The following BCOR variants were observed in gnomAD, a reference collection of about 807,000 sequenced individuals.
BCOR encodes the protein BCL6 corepressor.
Under a neutral mutation model 86.7 loss-of-function variants are expected in BCOR, and 10 were observed. The ratio of observed to expected loss-of-function variants is 0.12; its 90% CI spans 0.07 to 0.20. BCOR has a LOEUF of 0.20. BCOR is among the 10% of genes least tolerant of loss of function. The pLI is 1.00. For synonymous variants in BCOR, 611 were observed against 609.0 expected (o/e 1.00, Z -0.05); for missense variants, 1,259 against 1,452.1 (o/e 0.87, Z 2.16).
chrX:40,152,480 G>A (rs954592390), intron 1 of BCOR, among the ~76,000 whole-genome samples: 1 of 112,267 alleles, frequency 8.9e-6, no homozygotes, highest in Non-Finnish European at 1.9e-5. Context: ...GCCAGCGGGT[G>A]CCCCACGCTG....
intron 1 of BCOR, among the ~76,000 whole-genome samples, chrX:40,091,818 A>C (rs1936626977): frequency 8.9e-6 from 1 of 112,907 alleles, no homozygotes; most frequent in Admixed American, 9.2e-5. Flanking sequence ...AACAGACGGA[A>C]TCCCGTCGGC....
intron 1 of BCOR, among the ~76,000 whole-genome samples, chrX:40,113,411 A>C (rs1937343694): frequency 9.2e-6 from 1 of 108,671 alleles, no homozygotes. Flanking sequence ...TGTCTCAAAA[A>C]AAAAAAAAAA....
upstream of BCOR, among the ~76,000 whole-genome samples, chrX:40,100,127 A>G (rs765895513): frequency 4.4e-5 from 5 of 113,194 alleles, no homozygotes; most frequent in South Asian, 1.8e-3. Flanking sequence ...AGTTACAGAC[A>G]CAGCTGGAGA....
At chrX:40,152,207 G>A (rs955428144) in intron 1 of BCOR, among the ~76,000 whole-genome samples, 2 of 111,530 alleles carry the variant, frequency 1.8e-5, no homozygotes, top group South Asian at 7.4e-4. Flanking sequence ...AGTCCTGCAA[G>A]GGGACAGGCG....
At position 40,055,510 on chromosome X, in the gene BCOR, A is replaced by C; in HGVS notation, c.4599T>G (p.Pro1533=). Residue 1533 remains proline (P), a synonymous_variant, in exon 12 of 15, where the codon CCT becomes CCG. Transcript: ENST00000378444. Reference sequence around the variant, plus strand: ...GATCGTTCTCAACAGCATCGTGCAGAGGCCTAGGAAGAGAGGCGCAATAGA... The same window carrying C: ...GATCGTTCTCAACAGCATCGTGCAGCGGCCTAGGAAGAGAGGCGCAATAGA... ...VNCSAQDGTR[P]LHDAVENDHL... The C allele has an allele frequency of 8.3e-7, 1 of 1,211,455 alleles. No homozygotes were observed. Among genetic ancestry groups the C allele is most frequent in the Non-Finnish European group, 1.1e-6 (1 of 895,317 alleles).
chrX:40,138,383 C>T (rs1285243000), intron 1 of BCOR, among the ~76,000 whole-genome samples: 4 of 111,913 alleles, frequency 3.6e-5, no homozygotes, highest in Middle Eastern at 4.7e-3. Context: ...GCCACATTCC[C>T]GGTTTTCTTG....
intron 1 of BCOR, among the ~76,000 whole-genome samples, chrX:40,175,481 G>A (rs1274121410): frequency 8.8e-6 from 1 of 113,495 alleles, no homozygotes; most frequent in African/African-American, 3.2e-5. Flanking sequence ...CAGAAAGTGT[G>A]TGCGCACACG....
rs184169825 is a variant in BCOR, at chrX:40,104,303, G to A, written c.-40-26334C>T. ...AGTGGTTGTTAATGCGAAATAAGAAGAAACTCTTCTGATATTTATAGGCCC... is the reference window on the plus strand; with the variant it reads ...AGTGGTTGTTAATGCGAAATAAGAAAAAACTCTTCTGATATTTATAGGCCC... On this transcript the variant is annotated intron_variant, in intron 1 of 14. Coordinates refer to the BCOR transcript ENST00000342274. Among the ~76,000 whole-genome samples the A allele has an allele frequency of 3.9e-3, 432 of 111,618 alleles. 1 individual carries two copies. The highest frequency in any genetic ancestry group is 5.1e-3 in the Admixed American group (54 of 10,553).
intron 1 of BCOR, among the ~76,000 whole-genome samples, chrX:40,126,757 A>T (rs750764325): frequency 9.2e-6 from 1 of 108,982 alleles, no homozygotes; most frequent in South Asian, 4.1e-4. Context: ...CAGGAGGCTG[A>T]GATGGGAGGA....
In BCOR at chrX:40,052,340, T is replaced by C. The variant is rs113588421; in HGVS notation, c.5037A>G (p.Ile1679Met). Residue 1679 changes from isoleucine (I) to methionine (M), a missense_variant, in exon 15 of 15, where the codon ATA becomes ATG. Physicochemically the swap from Ile to Met is conservative, Grantham distance 10. This residue lies in a region of BCOR where 137 missense variants were observed against 149.8 expected (regional missense o/e 0.91). Coordinates refer to ENST00000378444, the MANE Select transcript of BCOR (RefSeq NM_001123385.2). ...VLKKLKMSSRIFRCNFPNVEI... is the reference protein window; with the variant it reads ...VLKKLKMSSRMFRCNFPNVEI... ...CCACGTTTGGAAAATTGCAGCGAAA[T>C]ATGCGGGAGGACATTTTCAATTTCT... is the stretch of plus-strand genomic sequence containing the variant. The C allele has an allele frequency of 8.3e-7, 1 of 1,210,054 alleles. No individual in the cohort carries two copies. Among genetic ancestry groups the C allele is most frequent in the South Asian group, 1.8e-5 (1 of 56,857 alleles).
intron 1 of BCOR, among the ~76,000 whole-genome samples, chrX:40,127,965 G>A (rs1025241958): frequency 4.5e-5 from 5 of 110,868 alleles, no homozygotes; most frequent in Non-Finnish European, 7.6e-5. Flanking sequence ...TGTGGCTCAC[G>A]CCTGTAATCC....
intron 5 of BCOR, 120 bp downstream of exon 5, chrX:40,071,517 C>A (rs1199801336): frequency 1.8e-6 from 1 of 546,355 alleles, no homozygotes; most frequent in Non-Finnish European, 3.1e-6. Flanking sequence ...AGAAAAGAAA[C>A]AAAATACACA....
rs772110486 is a variant in BCOR, at chrX:40,174,424, G to T, written c.-41+2583C>A. 5.9e-4 allele frequency among the ~76,000 whole-genome samples: 66 copies of T among 112,492 alleles called. 1 individual carries two copies. The highest frequency in any genetic ancestry group is 2.3e-3 in the Admixed American group (25 of 10,658). ...AATTCCAGTTCTCGAGCGCCACCCG[G>T]AGAGTTCACATTTCCCCTCCTCCGA... On this transcript the variant is annotated intron_variant, in intron 1 of 14. Transcript: ENST00000342274.
chrX:40,096,961 G>T (rs1190775903), intron 1 of BCOR, among the ~76,000 whole-genome samples: 2 of 112,815 alleles, frequency 1.8e-5, no homozygotes, highest in Admixed American at 9.2e-5. Flanking sequence ...ACCGGGAGGC[G>T]CCAGGCCCCC....
At chrX:40,158,468 G>T (rs1319687391) in intron 1 of BCOR, among the ~76,000 whole-genome samples, 1 of 112,656 alleles carries the variant, frequency 8.9e-6, no homozygotes. Context: ...CCCCGCTGCG[G>T]GCCACGCTGA....
At chrX:40,093,214 C>G (rs559873970) in intron 1 of BCOR, among the ~76,000 whole-genome samples, 6 of 112,160 alleles carry the variant, frequency 5.3e-5, no homozygotes, top group Non-Finnish European at 1.1e-4. Context: ...ATTTGGGCAA[C>G]GGAGCCCAAG....
At chrX:40,100,187 C>A (rs923468922), upstream of BCOR, among the ~76,000 whole-genome samples, 9 of 113,045 alleles carry the variant, frequency 8.0e-5, no homozygotes, top group Admixed American at 1.9e-4. Flanking sequence ...GAAGCGACTC[C>A]TTTTATTCAA....
chrX:40,156,228 TGA>T (rs1168662104), intron 1 of BCOR, among the ~76,000 whole-genome samples: 1 of 112,940 alleles, frequency 8.9e-6, no homozygotes, highest in Non-Finnish European at 1.9e-5. Context: ...ATTAAAGATC[TGA>T]GAGTCGTGGT....
At chrX:40,068,492 T>C (rs775369205) in intron 6 of BCOR, among the ~76,000 whole-genome samples, 90 of 112,460 alleles carry the variant, frequency 8.0e-4, no homozygotes, top group Non-Finnish European at 1.5e-3. Flanking sequence ...CACTCAACGC[T>C]TTCTCCAGCT....
Sources: gnomAD v4.1 joint callset for allele counts (sites outside exome capture counted in the v4.1 genomes callset) on GRCh38, gnomAD v4.1.1 for gene constraint, gnomAD v4.1.1 regional missense constraint, MANE v1.5 for transcripts, NCBI Gene and HGNC (gene_info 2026-07-23, HGNC 2026-07-21) for gene names.